Variants in FSTL4 observed in about 807,000 individuals in gnomAD.
The protein encoded by FSTL4 is follistatin-related protein 4.
Under a neutral mutation model 78.2 loss-of-function variants are expected in FSTL4, and 28 were observed. The ratio of observed to expected loss-of-function variants is 0.36; its 90% CI spans 0.27 to 0.49. The LOEUF is 0.49. Ranked by LOEUF, FSTL4 falls within the 20% of genes least tolerant of loss-of-function variation. The pLI is 0.98. For missense variants in FSTL4, 922 were observed against 1,084.9 expected, an observed-to-expected ratio of 0.85 and a Z score of 2.11; for synonymous variants, 422 against 440.5, an observed-to-expected ratio of 0.96 and a Z score of 0.53.
At chr5:133,548,314 G>A (rs368830064) in intron 3 of FSTL4, among the ~76,000 whole-genome samples, 19 of 152,198 alleles carry the variant, frequency 1.2e-4, no homozygotes, top group African/African-American at 3.4e-4. Flanking sequence ...TATGGTTAGC[G>A]TTTGAAGTGA....
At chr5:133,737,193 A>C in the FSTL4 span, among the ~76,000 whole-genome samples, 2 of 152,114 alleles carry the variant, frequency 1.3e-5, no homozygotes, top group African/African-American at 4.8e-5. Flanking sequence ...TATGTACCAT[A>C]GTTAGAAAAA....
intron 6 of FSTL4, among the ~76,000 whole-genome samples, chr5:133,272,654 G>A (rs148148139): frequency 6.6e-5 from 10 of 152,230 alleles, no homozygotes; most frequent in Non-Finnish European, 1.2e-4. Flanking sequence ...TTCCATATGC[G>A]TCATTAAGTG....
At chr5:133,694,444 G>A in the FSTL4 span, among the ~76,000 whole-genome samples, 9 of 152,338 alleles carry the variant, frequency 5.9e-5, no homozygotes, top group African/African-American at 1.7e-4. Flanking sequence ...CTGAGCATGC[G>A]CTATGTGCCA....
intron 6 of FSTL4, among the ~76,000 whole-genome samples, chr5:133,265,504 G>A (rs1158966698): frequency 6.6e-6 from 1 of 152,232 alleles, no homozygotes; most frequent in Non-Finnish European, 1.5e-5. Flanking sequence ...CACCCAGTAA[G>A]GATGCCTGTC....
At chr5:133,313,295 C>T (rs925315315) in intron 5 of FSTL4, among the ~76,000 whole-genome samples, 1 of 152,214 alleles carries the variant, frequency 6.6e-6, no homozygotes, top group African/African-American at 2.4e-5. Flanking sequence ...CAGCACACTC[C>T]CAGACCCCTC....
intron 3 of FSTL4, among the ~76,000 whole-genome samples, chr5:133,563,225 T>C (rs1221286062): frequency 6.6e-6 from 1 of 152,156 alleles, no homozygotes; most frequent in African/African-American, 2.4e-5. Context: ...TGCCACAATC[T>C]TTGCTACTGT....
chr5:133,624,582 T>C, the FSTL4 span, among the ~76,000 whole-genome samples: 6 of 151,994 alleles, frequency 3.9e-5, no homozygotes, highest in East Asian at 1.2e-3. Flanking sequence ...GTTAATTGTA[T>C]ATGAATTTCA....
chr5:133,242,542 G>C (rs1412982112), intron 7 of FSTL4, among the ~76,000 whole-genome samples: 4 of 152,110 alleles, frequency 2.6e-5, no homozygotes, highest in Admixed American at 6.5e-5. Flanking sequence ...TTCCCCTAAG[G>C]CTTTCCCCTA....
the FSTL4 span, among the ~76,000 whole-genome samples, chr5:133,757,786 A>C: frequency 6.6e-6 from 1 of 152,208 alleles, no homozygotes; most frequent in African/African-American, 2.4e-5. Flanking sequence ...TGATTTCCAC[A>C]TAAATTTGAA....
the FSTL4 span, among the ~76,000 whole-genome samples, chr5:133,794,781 C>A: frequency 6.6e-6 from 1 of 152,176 alleles, no homozygotes; most frequent in Non-Finnish European, 1.5e-5. Context: ...ACACCACAAC[C>A]ATGTCCTCCC....
At chr5:133,682,259 T>C in the FSTL4 span, among the ~76,000 whole-genome samples, 2 of 152,184 alleles carry the variant, frequency 1.3e-5, no homozygotes, top group African/African-American at 4.8e-5. Flanking sequence ...GGGGCAGAAG[T>C]GTGAGTTCAG....
chr5:133,283,992 AT>A (rs2126861704), intron 6 of FSTL4, among the ~76,000 whole-genome samples: 1 of 152,318 alleles, frequency 6.6e-6, no homozygotes, highest in Admixed American at 6.5e-5. Flanking sequence ...GAAACTCACT[AT>A]CATGAGAGTG....
At position 133,449,674 on chromosome 5, in the gene FSTL4, C is replaced by A. The variant is rs573966037; in HGVS notation, c.161-48688G>T. On this transcript the variant is annotated intron_variant, in intron 3 of 15. Transcript: ENST00000265342. ...GGTGAGGGGTGAGGTCTGCGTCCCT[C>A]CCGTGTTTCAAGGTCCATCACAGCA... 6.6e-5 allele frequency among the ~76,000 whole-genome samples: 10 copies of A among 152,308 alleles called. No individual in the cohort carries two copies. The South Asian group carries it at 8.3e-4, about 13-fold the overall frequency.
chr5:133,281,595 C>T (rs967250872), intron 6 of FSTL4, among the ~76,000 whole-genome samples: 5 of 152,044 alleles, frequency 3.3e-5, no homozygotes, highest in African/African-American at 1.2e-4. Context: ...ATGATTTGGG[C>T]TGAATAGCTG....
intron 1 of FSTL4, among the ~76,000 whole-genome samples, chr5:133,608,526 C>T (rs1761021186): frequency 1.3e-5 from 2 of 152,220 alleles, no homozygotes; most frequent in African/African-American, 4.8e-5. Context: ...CATCCTGCCC[C>T]CAGGGCAACT....
At chr5:133,566,257 A>C (rs1242856604) in intron 3 of FSTL4, among the ~76,000 whole-genome samples, 1 of 152,212 alleles carries the variant, frequency 6.6e-6, no homozygotes, top group Non-Finnish European at 1.5e-5. Flanking sequence ...ATGAATATCC[A>C]TGTATCAAAG....
chr5:133,477,649 G>A (rs150946744), intron 3 of FSTL4, among the ~76,000 whole-genome samples: 54 of 152,274 alleles, frequency 3.5e-4, no homozygotes, highest in South Asian at 1.9e-3. Flanking sequence ...AGGAAGACAC[G>A]GGGGGAAAAT....
At chr5:133,450,185 A>C (rs939166947) in intron 3 of FSTL4, among the ~76,000 whole-genome samples, 1 of 152,226 alleles carries the variant, frequency 6.6e-6, no homozygotes, top group Admixed American at 6.5e-5. Flanking sequence ...AAAACAGCCC[A>C]TGATGCAAAC....
intron 2 of FSTL4, among the ~76,000 whole-genome samples, chr5:133,599,885 G>T (rs997419032): frequency 6.6e-6 from 1 of 152,170 alleles, no homozygotes; most frequent in Admixed American, 6.5e-5. Context: ...CCCCAAAAGT[G>T]GGGGGCTCCC....
Sources: allele counts gnomAD v4.1 joint callset (sites outside exome capture counted in the v4.1 genomes callset), GRCh38; gene constraint gnomAD v4.1.1; transcripts MANE v1.5; gene names NCBI Gene and HGNC (gene_info 2026-07-23, HGNC 2026-07-21).